MAF: variants seen among roughly 807,000 people sequenced by gnomAD.
The protein encoded by MAF is MAF bZIP transcription factor.
A neutral mutation model predicts 22.0 loss-of-function variants in MAF; 10 were observed. The ratio of observed to expected loss-of-function variants is 0.45; its 90% CI spans 0.28 to 0.77. The LOEUF is 0.77. Among genes scored for constraint, MAF ranks in the 30% least tolerant of loss-of-function variants. The pLI, the probability that MAF is intolerant of heterozygous loss-of-function variation, is 0.12. For missense variants in MAF, 544 were observed against 548.4 expected (o/e 0.99, Z 0.08); for synonymous variants, 337 against 255.8 (o/e 1.32, Z -3.03).
At chr16:79,560,487 G>C in the MAF span, among the ~76,000 whole-genome samples, 45 of 151,904 alleles carry the variant, frequency 3.0e-4, no homozygotes, top group Admixed American at 1.6e-3. Flanking sequence ...GCTGTTGAAG[G>C]ATCCCAGGAA....
At chr16:79,594,734 T>C in intron 1 of MAF, 181 bp from the exon 2 acceptor site, 1 of 1,414,178 alleles carries the variant, frequency 7.1e-7, no homozygotes, top group Non-Finnish European at 9.2e-7. Flanking sequence ...ATGTATTTGT[T>C]TGCTACTCCC....
the MAF span, among the ~76,000 whole-genome samples, chr16:79,358,984 TGAA>T: frequency 2.0e-5 from 3 of 152,268 alleles, no homozygotes; most frequent in African/African-American, 7.2e-5. Flanking sequence ...AGTGCCGGAA[TGAA>T]CAGAAAGGCT....
At chr16:79,530,963 G>A in the MAF span, among the ~76,000 whole-genome samples, 1 of 152,144 alleles carries the variant, frequency 6.6e-6, no homozygotes, top group Non-Finnish European at 1.5e-5. Flanking sequence ...AGGCCCAAAG[G>A]GAAGGAAACC....
At chr16:79,350,407 G>T in the MAF span, among the ~76,000 whole-genome samples, 1 of 152,168 alleles carries the variant, frequency 6.6e-6, no homozygotes, top group Non-Finnish European at 1.5e-5. Flanking sequence ...GTGGACAAAC[G>T]AAATTCTATA....
chr16:79,226,594 G>A, the MAF span, among the ~76,000 whole-genome samples: 1 of 151,952 alleles, frequency 6.6e-6, no homozygotes, highest in South Asian at 2.1e-4. Context: ...AGTTGGTAGG[G>A]TATGATCCCA....
chr16:79,497,177 A>C, the MAF span, among the ~76,000 whole-genome samples: 3 of 152,344 alleles, frequency 2.0e-5, no homozygotes, highest in East Asian at 5.8e-4. Context: ...AGGAAGTTTC[A>C]GAAATTTGCA....
chr16:79,375,224 G>C, the MAF span, among the ~76,000 whole-genome samples: 3 of 152,224 alleles, frequency 2.0e-5, no homozygotes, highest in Admixed American at 2.0e-4. Context: ...AAGTTGAATA[G>C]AACATTTCCT....
chr16:79,332,556 C>T, the MAF span, among the ~76,000 whole-genome samples: 1 of 152,234 alleles, frequency 6.6e-6, no homozygotes, highest in East Asian at 1.9e-4. Flanking sequence ...ACCTTGGCTT[C>T]CCAAAGTACT....
At chr16:79,232,302 T>C in the MAF span, among the ~76,000 whole-genome samples, 8 of 152,080 alleles carry the variant, frequency 5.3e-5, no homozygotes, top group African/African-American at 1.2e-4. Context: ...TGGGGAGATA[T>C]GAATATAGGC....
the MAF span, among the ~76,000 whole-genome samples, chr16:79,478,852 C>T: frequency 7.2e-5 from 11 of 151,946 alleles, no homozygotes; most frequent in African/African-American, 2.4e-4. Context: ...CACCTTTGCA[C>T]CACACCAGCA....
At chr16:79,309,935 C>T in the MAF span, among the ~76,000 whole-genome samples, 1 of 152,128 alleles carries the variant, frequency 6.6e-6, no homozygotes, top group Non-Finnish European at 1.5e-5. Context: ...TTGACTAATG[C>T]AAATATTCAG....
chr16:79,456,151 A>G, the MAF span, among the ~76,000 whole-genome samples: 1 of 152,152 alleles, frequency 6.6e-6, no homozygotes, highest in African/African-American at 2.4e-5. Context: ...GTGCTTGCCT[A>G]CTATCCTAGC....
the MAF span, among the ~76,000 whole-genome samples, chr16:79,479,006 G>A: frequency 4.6e-5 from 7 of 151,060 alleles, no homozygotes; most frequent in East Asian, 1.2e-3. Context: ...GCATCCTAGT[G>A]CACCTGTGCA....
At chr16:79,427,744 G>A in the MAF span, among the ~76,000 whole-genome samples, 6 of 151,910 alleles carry the variant, frequency 3.9e-5, no homozygotes, top group Non-Finnish European at 5.9e-5. Flanking sequence ...TCTGAATTCC[G>A]CATCCCAGCC....
the MAF span, among the ~76,000 whole-genome samples, chr16:79,511,583 A>G: frequency 6.6e-6 from 1 of 152,234 alleles, no homozygotes; most frequent in Admixed American, 6.5e-5. Flanking sequence ...GCGGTGTTAC[A>G]TGCACAAGAA....
chr16:79,414,785 C>A, the MAF span, among the ~76,000 whole-genome samples: 1 of 152,318 alleles, frequency 6.6e-6, no homozygotes, highest in African/African-American at 2.4e-5. Context: ...TCTGTAATAA[C>A]AAACAACTTC....
At chr16:79,248,076 G>C in the MAF span, among the ~76,000 whole-genome samples, 1 of 151,868 alleles carries the variant, frequency 6.6e-6, no homozygotes, top group Non-Finnish European at 1.5e-5. Flanking sequence ...CCTCAGAGAA[G>C]GTTCACCCTC....
At chr16:79,262,806 G>T in the MAF span, among the ~76,000 whole-genome samples, 1 of 152,192 alleles carries the variant, frequency 6.6e-6, no homozygotes, top group African/African-American at 2.4e-5. Flanking sequence ...AGACATTCTA[G>T]AAAATATTAG....
At chr16:79,478,512 G>T in the MAF span, among the ~76,000 whole-genome samples, 2 of 152,146 alleles carry the variant, frequency 1.3e-5, no homozygotes, top group Admixed American at 1.3e-4. Context: ...ATAGGTCTTA[G>T]ATGTGGCAAT....
Sources: gnomAD v4.1 joint callset for allele counts (sites outside exome capture counted in the v4.1 genomes callset) on GRCh38, gnomAD v4.1.1 for gene constraint, MANE v1.5 for transcripts, NCBI Gene and HGNC (gene_info 2026-07-23, HGNC 2026-07-21) for gene names.